PTPRM: variants seen among roughly 807,000 people sequenced by gnomAD.
The protein encoded by PTPRM is receptor-type tyrosine-protein phosphatase mu.
Under a neutral mutation model 186.7 loss-of-function variants are expected in PTPRM, and 47 were observed. The observed-to-expected ratio is 0.25, with a 90% CI of 0.20 to 0.32. The LOEUF (loss-of-function observed/expected upper bound fraction) is 0.32, where lower values mean the gene tolerates loss of function less well. PTPRM is among the 10% of genes least tolerant of loss of function. PTPRM has a pLI of 1.00. For missense variants in PTPRM, 1,494 were observed against 1,865.0 expected (o/e 0.80, Z 3.66); for synonymous variants, 668 against 674.9 (o/e 0.99, Z 0.16).
At chr18:8,054,527 TAG>T (rs2087772884) in intron 7 of PTPRM, among the ~76,000 whole-genome samples, 1 of 151,804 alleles carries the variant, frequency 6.6e-6, no homozygotes, top group Non-Finnish European at 1.5e-5. Flanking sequence ...GTGATTACCC[TAG>T]AGAGTTTGCC....
chr18:7,658,015 G>A (rs1239245795), intron 1 of PTPRM, among the ~76,000 whole-genome samples: 1 of 152,056 alleles, frequency 6.6e-6, no homozygotes, highest in Non-Finnish European at 1.5e-5. Flanking sequence ...ACCTCACATA[G>A]TTACCTTTTA....
chr18:8,237,851 A>G (rs1316409695), intron 14 of PTPRM, among the ~76,000 whole-genome samples: 2 of 152,198 alleles, frequency 1.3e-5, no homozygotes, highest in Admixed American at 6.5e-5. Context: ...TTCCTTCAAC[A>G]TAATGAATAT....
chr18:7,873,851 A>T (rs2048096038), intron 2 of PTPRM, among the ~76,000 whole-genome samples: 1 of 152,192 alleles, frequency 6.6e-6, no homozygotes, highest in African/African-American at 2.4e-5. Flanking sequence ...ATATTCAATA[A>T]ATCAAAACCC....
chr18:7,660,388 G>C (rs905572761), intron 1 of PTPRM, among the ~76,000 whole-genome samples: 4 of 151,970 alleles, frequency 2.6e-5, no homozygotes, highest in African/African-American at 9.7e-5. Flanking sequence ...GGGTTTGGTC[G>C]ATTTATGCTT....
At chr18:7,872,058 A>G (rs986148944) in intron 2 of PTPRM, among the ~76,000 whole-genome samples, 3 of 152,222 alleles carry the variant, frequency 2.0e-5, no homozygotes, top group African/African-American at 7.2e-5. Flanking sequence ...AGTTAATTCA[A>G]CTAATTGAGT....
chr18:8,019,757 AT>A (rs1373711815), intron 7 of PTPRM, among the ~76,000 whole-genome samples: 9 of 148,030 alleles, frequency 6.1e-5, no homozygotes, highest in Non-Finnish European at 1.5e-5. Context: ...ATAAACATTT[AT>A]TTTTATAATC....
chr18:8,253,389 G>A lies in PTPRM; in HGVS notation c.2729G>A (p.Gly910Asp). ...QHITQMKCAEGYGFKEEYESF... is the reference protein window; with the variant it reads ...QHITQMKCAEDYGFKEEYESF... ...ATCACACAGATGAAGTGTGCGGAGG[G>A]CTACGGCTTCAAGGAGGAATACGAG... The change falls in exon 19 of 33, where the codon GGC (glycine) becomes GAC (aspartate). Residue 910 changes from glycine to aspartate, a missense_variant. Gly to Asp is a moderately conservative substitution (Grantham distance 94). Transcript: ENST00000580170. 1.3e-6 allele frequency: 2 copies of A among 1,544,838 alleles called. No homozygotes were observed. Among genetic ancestry groups the A allele is most frequent in the Non-Finnish European group, 1.7e-6 (2 of 1,146,120 alleles).
At chr18:7,651,275 A>G (rs1417726097) in intron 1 of PTPRM, among the ~76,000 whole-genome samples, 1 of 152,124 alleles carries the variant, frequency 6.6e-6, no homozygotes, top group Non-Finnish European at 1.5e-5. Context: ...TTTAGATACA[A>G]CAAAAGCTTG....
chr18:8,381,883 T>C (rs2095739043), intron 29 of PTPRM, among the ~76,000 whole-genome samples: 1 of 152,234 alleles, frequency 6.6e-6, no homozygotes, highest in African/African-American at 2.4e-5. Flanking sequence ...AATGTGGAGA[T>C]ATTTTTGTTC....
intron 7 of PTPRM, among the ~76,000 whole-genome samples, chr18:7,961,914 TAATAAAAACTTGG>T (rs1270603955): frequency 6.6e-6 from 1 of 152,238 alleles, no homozygotes; most frequent in Admixed American, 6.5e-5. Context: ...TACATAACTA[TAATAAAAACTTGG>T]AATATGTATT....
intron 22 of PTPRM, among the ~76,000 whole-genome samples, chr18:8,330,886 T>G (rs558424584): frequency 5.5e-4 from 84 of 152,268 alleles, no homozygotes; most frequent in African/African-American, 1.9e-3. Context: ...CATGCCGCCA[T>G]TCGGTCTGTC....
At chr18:7,891,662 G>A (rs767564327) in intron 3 of PTPRM, among the ~76,000 whole-genome samples, 1 of 152,000 alleles carries the variant, frequency 6.6e-6, no homozygotes, top group Non-Finnish European at 1.5e-5. Flanking sequence ...ATTGCTTGAG[G>A]TCACGAGTTC....
At chr18:7,909,593 A>G (rs560487263) in intron 4 of PTPRM, among the ~76,000 whole-genome samples, 10 of 152,340 alleles carry the variant, frequency 6.6e-5, no homozygotes, top group African/African-American at 2.4e-4. Context: ...TTTCATAATA[A>G]TGAATTATTT....
intron 7 of PTPRM, among the ~76,000 whole-genome samples, chr18:7,994,893 G>A (rs180975882): frequency 2.6e-5 from 4 of 151,992 alleles, no homozygotes; most frequent in Non-Finnish European, 4.4e-5. Flanking sequence ...ATAATCTAAT[G>A]ATGTACCTCA....
In PTPRM at chr18:7,710,306, T is replaced by C. The variant is rs182860270; in HGVS notation, c.74-63843T>C. On this transcript the variant is annotated intron_variant, in intron 1 of 32. Coordinates refer to ENST00000580170, the MANE Select transcript of PTPRM (RefSeq NM_001105244.2). ...ATTAAAAACAAAAATCATATGATCA[T>C]CTTGATAGATGTAGAAAAAGCATTT... Among the ~76,000 whole-genome samples the C allele has an allele frequency of 2.1e-3, 313 of 152,306 alleles. 5 individuals carry two copies. The highest frequency in any genetic ancestry group is 7.1e-3 in the African/African-American group (296 of 41,562).
At chr18:8,100,361 G>A (rs192873302) in intron 11 of PTPRM, among the ~76,000 whole-genome samples, 29 of 152,194 alleles carry the variant, frequency 1.9e-4, no homozygotes, top group Middle Eastern at 3.4e-3. Context: ...AGCTGGTTGT[G>A]AACTCCTGAC....
At chr18:8,184,452 A>C (rs1370297810) in intron 14 of PTPRM, among the ~76,000 whole-genome samples, 1 of 152,148 alleles carries the variant, frequency 6.6e-6, no homozygotes, top group Non-Finnish European at 1.5e-5. Flanking sequence ...CTGTGCCTTC[A>C]GAGGAGACGA....
chr18:7,893,072 G>A (rs2049162833), intron 3 of PTPRM, among the ~76,000 whole-genome samples: 1 of 152,178 alleles, frequency 6.6e-6, no homozygotes. Flanking sequence ...GATTTGTAGA[G>A]ATTCTTTAAT....
chr18:7,691,643 A>G (rs578201776), intron 1 of PTPRM, among the ~76,000 whole-genome samples: 2 of 152,288 alleles, frequency 1.3e-5, no homozygotes, highest in East Asian at 3.9e-4. Context: ...ACCATAGTTC[A>G]CACCTGTAAT....
Sources: gnomAD v4.1 joint callset for allele counts (sites outside exome capture counted in the v4.1 genomes callset) on GRCh38, gnomAD v4.1.1 for gene constraint, MANE v1.5 for transcripts, NCBI Gene and HGNC (gene_info 2026-07-23, HGNC 2026-07-21) for gene names.